CELF2: variants seen among roughly 807,000 people sequenced by gnomAD.
CELF2 encodes the protein CUGBP Elav-like family member 2.
Under a neutral mutation model 62.6 loss-of-function variants are expected in CELF2, and 8 were observed. The observed-to-expected ratio is 0.13, with a 90% CI of 0.07 to 0.23. CELF2 has a LOEUF of 0.23. CELF2 is among the 10% of genes least tolerant of loss of function. The pLI, the probability that CELF2 is intolerant of heterozygous loss-of-function variation, is 1.00. For missense variants in CELF2, 333 were observed against 671.0 expected (o/e 0.50, Z 5.56); for synonymous variants, 258 against 250.0 (o/e 1.03, Z -0.30).
At chr10:11,323,424 A>AAATAAT (rs57666869) in intron 11 of CELF2, among the ~76,000 whole-genome samples, 13,553 of 141,510 alleles carry the variant, frequency 0.096, 820 homozygotes, top group African/African-American at 0.16. Context: ...GGCAGAGCAA[A>AAATAAT]AATAATAATA....
rs2094838031 is a variant in CELF2, at chr10:11,314,999, T to C, written c.1096+741T>C. 6.6e-6 allele frequency among the ~76,000 whole-genome samples: 1 copy of C among 152,024 alleles called. No individual in the cohort carries two copies. Reference sequence around the variant, plus strand: ...GAAAATTGTACTTGGTTCCGAAACATATGGATGGACTCACCAGAGAACTGC... The same window carrying C: ...GAAAATTGTACTTGGTTCCGAAACACATGGATGGACTCACCAGAGAACTGC... On this transcript the variant is annotated intron_variant, in intron 10 of 12. Transcript: ENST00000633077. This position sits in a 1 kb window ranked among gnomAD's most constrained non-coding sequence, Gnocchi z 5.3.
chr10:10,501,812 A>C, the CELF2 span, among the ~76,000 whole-genome samples: 1 of 152,172 alleles, frequency 6.6e-6, no homozygotes, highest in Non-Finnish European at 1.5e-5. Flanking sequence ...TATGTTGAAT[A>C]AGAGTGGTGA....
At chr10:10,749,941 T>C in the CELF2 span, among the ~76,000 whole-genome samples, 1 of 152,174 alleles carries the variant, frequency 6.6e-6, no homozygotes, top group Non-Finnish European at 1.5e-5. Context: ...GAGGAACAAG[T>C]AGATAGGACA....
At chr10:10,594,903 G>T in the CELF2 span, among the ~76,000 whole-genome samples, 8 of 152,208 alleles carry the variant, frequency 5.3e-5, no homozygotes, top group South Asian at 1.7e-3. Context: ...CAGGACTCTG[G>T]GGTCACTAGA....
chr10:11,286,794 A>G (rs566869374), intron 8 of CELF2, among the ~76,000 whole-genome samples: 18 of 152,310 alleles, frequency 1.2e-4, no homozygotes, highest in South Asian at 4.1e-4. Flanking sequence ...GGATTACACA[A>G]TACTTCTGTC....
At chr10:10,808,420 G>A (rs1387855881) in intron 1 of CELF2, among the ~76,000 whole-genome samples, 1 of 152,084 alleles carries the variant, frequency 6.6e-6, no homozygotes, top group Non-Finnish European at 1.5e-5. Flanking sequence ...TTAACCAGGT[G>A]AAAGAACAAA....
At chr10:10,564,147 T>C in the CELF2 span, among the ~76,000 whole-genome samples, 2 of 152,180 alleles carry the variant, frequency 1.3e-5, no homozygotes, top group Non-Finnish European at 2.9e-5. Flanking sequence ...GTAAACCACT[T>C]CCAACACTTC....
At chr10:10,646,052 C>T in the CELF2 span, among the ~76,000 whole-genome samples, 1 of 152,176 alleles carries the variant, frequency 6.6e-6, no homozygotes, top group Non-Finnish European at 1.5e-5. Flanking sequence ...AACTTGACGT[C>T]TCATTCTCCA....
At chr10:11,009,978 G>A (rs1302094328) in intron 1 of CELF2, among the ~76,000 whole-genome samples, 3 of 152,226 alleles carry the variant, frequency 2.0e-5, no homozygotes, top group Non-Finnish European at 4.4e-5. Context: ...TCTGTGAACT[G>A]ACTAGCCTGG....
chr10:10,870,739 G>A (rs1591390617), intron 1 of CELF2, among the ~76,000 whole-genome samples: 1 of 151,902 alleles, frequency 6.6e-6, no homozygotes, highest in Admixed American at 6.6e-5. Flanking sequence ...TTAACCCACC[G>A]CCCGCCCAGC....
In CELF2 at chr10:10,928,047, G is replaced by A. The variant is rs918184236; in HGVS notation, c.89+8048G>A. Among the ~76,000 whole-genome samples, 7 of 151,992 alleles carry A rather than the reference G, an allele frequency of 4.6e-5. No individual in the cohort carries two copies. The highest frequency in any genetic ancestry group is 3.3e-4 in the Admixed American group (5 of 15,262). ...CATTTATTTTGCTTCTGACACACCG[G>A]CCTTTCTCCGCACTTACTTCCACAG... On this transcript the variant is annotated intron_variant, in intron 2 of 13. Transcript: ENST00000636488. This position sits in a 1 kb window ranked among gnomAD's most constrained non-coding sequence, Gnocchi z 4.8.
At chr10:10,620,009 C>T in the CELF2 span, among the ~76,000 whole-genome samples, 20 of 151,708 alleles carry the variant, frequency 1.3e-4, no homozygotes, top group East Asian at 2.5e-3. Context: ...CCAAGTATCA[C>T]GAAAAATAAG....
At chr10:10,797,840 C>A (rs539796305), upstream of CELF2, among the ~76,000 whole-genome samples, 1 of 152,274 alleles carries the variant, frequency 6.6e-6, no homozygotes, top group African/African-American at 2.4e-5. Flanking sequence ...AGAACCCATA[C>A]GGGGCGAAGG....
intron 1 of CELF2, among the ~76,000 whole-genome samples, chr10:11,107,573 ACTATG>A (rs1317376268): frequency 6.6e-6 from 1 of 152,064 alleles, no homozygotes; most frequent in Admixed American, 6.5e-5. Context: ...GGGATTGAAT[ACTATG>A]CTATATTTTA....
At chr10:10,877,438 C>T (rs1026046508) in intron 1 of CELF2, among the ~76,000 whole-genome samples, 35 of 152,190 alleles carry the variant, frequency 2.3e-4, no homozygotes, top group African/African-American at 8.2e-4. Flanking sequence ...AGAGTGCTTC[C>T]AGGTCGTAGG....
intron 9 of CELF2, among the ~76,000 whole-genome samples, chr10:11,307,425 T>A (rs1396854378): frequency 6.6e-6 from 1 of 152,214 alleles, no homozygotes; most frequent in African/African-American, 2.4e-5. Context: ...CAGTTGGAGA[T>A]GTTTAGATGA....
At chr10:11,278,417 C>T (rs2086936036) in intron 8 of CELF2, among the ~76,000 whole-genome samples, 1 of 152,092 alleles carries the variant, frequency 6.6e-6, no homozygotes, top group African/African-American at 2.4e-5. Context: ...AAAACTTGTC[C>T]ATTTCTCTCT....
At chr10:11,250,535 T>A (rs1427363051) in intron 4 of CELF2, among the ~76,000 whole-genome samples, 3 of 152,190 alleles carry the variant, frequency 2.0e-5, no homozygotes, top group Non-Finnish European at 4.4e-5. Context: ...GCCACGCCAC[T>A]CCTGTAGTCA....
the CELF2 span, among the ~76,000 whole-genome samples, chr10:10,562,931 T>A: frequency 6.6e-6 from 1 of 151,852 alleles, no homozygotes; most frequent in Non-Finnish European, 1.5e-5. Flanking sequence ...AGGCATTTTT[T>A]TTTTTTAAAG....
Sources: gnomAD v4.1 joint callset for allele counts (sites outside exome capture counted in the v4.1 genomes callset) on GRCh38, gnomAD v4.1.1 for gene constraint, Gnocchi (gnomAD v3.1) non-coding constraint, MANE v1.5 for transcripts, NCBI Gene and HGNC (gene_info 2026-07-23, HGNC 2026-07-21) for gene names.